MARCKS: variants seen among roughly 807,000 people sequenced by gnomAD.
The protein encoded by MARCKS is myristoylated alanine-rich C-kinase substrate.
In MARCKS, 4 loss-of-function variants were observed where a neutral mutation model predicts 6.3. That is an observed-to-expected ratio of 0.63 (90% confidence interval 0.31 to 1.45). The LOEUF is 1.45. Ranked by LOEUF, MARCKS falls within the 40% of genes most tolerant of loss-of-function variation. The pLI is 0.07. For missense variants in MARCKS, 636 were observed against 485.7 expected (o/e 1.31, Z -2.91); for synonymous variants, 289 against 236.5 (o/e 1.22, Z -2.04).
rs940449626 is a variant in MARCKS at position 113,860,552 on chromosome 6, A to G, written c.972A>G (p.Glu324=). Residue 324 remains glutamate, a synonymous_variant, in exon 2 of 2, where the codon GAA becomes GAG. Coordinates refer to ENST00000612661, the MANE Select transcript of MARCKS (RefSeq NM_002356.7). The stretch of plus-strand genomic sequence containing the variant: ...AGGCCCAGCCCGAGTGCAGTCCAGA[A>G]GCCCCCCCAGCGGAGGCGGCAGAGT... ...SQEAQPECSP[E]APPAEAAE 9 of 1,559,022 alleles carry G rather than the reference A, an allele frequency of 5.8e-6. No individual in the cohort carries two copies. In the African/African-American group the frequency reaches 1.1e-4, roughly 20 times the overall value.
intron 1 of MARCKS, among the ~76,000 whole-genome samples, chr6:113,858,358 G>C (rs1225392060): frequency 6.6e-6 from 1 of 152,122 alleles, no homozygotes; most frequent in Non-Finnish European, 1.5e-5. Flanking sequence ...CCGCGGCGGC[G>C]TGCCCTGGGT....
rs551873272 is a variant in MARCKS at position 113,863,112 on chromosome 6, T to G, written c.*2533T>G. The G allele has an allele frequency of 1.3e-4, 20 of 152,342 alleles. No homozygotes were observed. Among genetic ancestry groups the G allele is most frequent in the Admixed American group, 1.2e-3 (19 of 15,314 alleles). The allele number at this position is 152,342 out of a possible 1,614,324, so 9.4% of individuals were successfully genotyped here. The stretch of plus-strand genomic sequence containing the variant: ...TGTTCTTTTAACAGCTGGAATTTAT[T>G]AAGATGCATTATTTTGATTTTATTC... On this transcript the variant is annotated 3_prime_UTR_variant, in exon 2 of 2. Transcript: ENST00000612661.
At position 113,862,698 on chromosome 6, in the gene MARCKS, T is replaced by C. The variant is rs1038936562; in HGVS notation, c.*2119T>C. ...ATCATTGAACCACATGTGTAACAAC[T>C]GAATGCCAAATCTTAAACTCATTAG... On this transcript the variant is annotated 3_prime_UTR_variant, in exon 2 of 2. Coordinates refer to ENST00000612661, the MANE Select transcript of MARCKS (RefSeq NM_002356.7). The C allele has an allele frequency of 6.6e-6, 1 of 151,558 alleles. No homozygotes were observed. Among genetic ancestry groups the C allele is most frequent in the African/African-American group, 2.4e-5 (1 of 41,440 alleles). The allele number at this position is 151,558 out of a possible 1,614,324, so 9.4% of individuals were successfully genotyped here. A position where few individuals can be genotyped will look rare whatever the true frequency, so the allele number is the denominator to read the frequency against.
At chr6:113,858,028 G>A (rs1317707037) in intron 1 of MARCKS, among the ~76,000 whole-genome samples, 181 bp downstream of exon 1, 2 of 152,146 alleles carry the variant, frequency 1.3e-5, no homozygotes, top group African/African-American at 4.8e-5. Context: ...CCAAAGGAGT[G>A]GTTCCTTAGA....
Position 113,860,726 on chromosome 6 carries a change from C to T in MARCKS, c.*147C>T. On this transcript the variant is annotated 3_prime_UTR_variant, in exon 2 of 2. Transcript: ENST00000612661. ...TTTTTATTTTACTTTTTTTTAAGCA[C>T]CAAATTTTGTTGTTTTTTTTTTTTC... The T allele has an allele frequency of 2.0e-6, 1 of 509,616 alleles. No homozygotes were observed. The allele number at this position is 509,616 out of a possible 1,614,324, so 31.6% of individuals were successfully genotyped here. A position where few individuals can be genotyped will look rare whatever the true frequency, so the allele number is the denominator to read the frequency against.
chr6:113,861,336 C>A lies in MARCKS; in HGVS notation c.*757C>A, dbSNP rs747750640. On this transcript the variant is annotated 3_prime_UTR_variant, in exon 2 of 2. Coordinates refer to ENST00000612661, the MANE Select transcript of MARCKS (RefSeq NM_002356.7). ...TTATTGTTTATTGCTGGTTTATGAC[C>A]TTAATAAAGTGTAATTATGTATTAC... 2.0e-5 allele frequency: 3 copies of A among 152,494 alleles called. No homozygotes were observed. Among genetic ancestry groups the A allele is most frequent in the Non-Finnish European group, 4.4e-5 (3 of 68,000 alleles). 9.4% of individuals were successfully genotyped at this position (152,494 alleles called of 1,614,324 possible). A position where few individuals can be genotyped will look rare whatever the true frequency, so the allele number is the denominator to read the frequency against.
At chr6:113,859,178 G>T (rs1196201139) in intron 1 of MARCKS, among the ~76,000 whole-genome samples, 3 of 152,200 alleles carry the variant, frequency 2.0e-5, no homozygotes, top group African/African-American at 7.2e-5. Context: ...CTCCTGGCTC[G>T]AGTGCTGTGA....
chr6:113,860,619 C>A lies in MARCKS; in HGVS notation c.*40C>A. ...GTGAGATAATCGAAGAACTTTTCTC[C>A]CCCGTTTGTTTGTTGGAGTGGTGCC... is the stretch of plus-strand genomic sequence containing the variant. On this transcript the variant is annotated 3_prime_UTR_variant, in exon 2 of 2. Transcript: ENST00000612661. 1 of 1,459,002 alleles carries A rather than the reference C, an allele frequency of 6.9e-7. No individual in the cohort carries two copies. Among genetic ancestry groups the A allele is most frequent in the Non-Finnish European group, 9.1e-7 (1 of 1,099,730 alleles). 90.4% of individuals were successfully genotyped at this position (1,459,002 alleles called of 1,614,324 possible).
chr6:113,858,195 T>C (rs1774816946), intron 1 of MARCKS, among the ~76,000 whole-genome samples: 1 of 151,492 alleles, frequency 6.6e-6, no homozygotes, highest in African/African-American at 2.4e-5. Context: ...GGTGTTTGGG[T>C]GTCTCTCGGG....
chr6:113,858,113 C>A (rs1043896239), intron 1 of MARCKS, among the ~76,000 whole-genome samples: 4 of 152,132 alleles, frequency 2.6e-5, no homozygotes, highest in African/African-American at 9.7e-5. Context: ...TGGAGATTGG[C>A]AGAACGTGAC....
Position 113,857,688 on chromosome 6 carries a change from C to A in MARCKS, c.-58C>A. The stretch of plus-strand genomic sequence containing the variant: ...CTGCTCGCCCCGTCGTTACACCAAC[C>A]CGAGGCTCTTTGTTTCCCCTCTTGG... On this transcript the variant is annotated 5_prime_UTR_variant, in exon 1 of 2. Coordinates refer to ENST00000612661, the MANE Select transcript of MARCKS (RefSeq NM_002356.7). The A allele has an allele frequency of 7.1e-7, 1 of 1,399,944 alleles. No homozygotes were observed. The highest frequency in any genetic ancestry group is 9.8e-7 in the Non-Finnish European group (1 of 1,018,728). 86.7% of individuals were successfully genotyped at this position (1,399,944 alleles called of 1,614,324 possible). A position where few individuals can be genotyped will look rare whatever the true frequency, so the allele number is the denominator to read the frequency against.
In MARCKS at chr6:113,860,809, G is replaced by C. The variant is rs1774889836; in HGVS notation, c.*230G>C. The C allele has an allele frequency of 3.2e-6, 1 of 311,236 alleles. No individual in the cohort carries two copies. The highest frequency in any genetic ancestry group is 5.9e-6 in the Non-Finnish European group (1 of 169,250). 19.3% of individuals were successfully genotyped at this position (311,236 alleles called of 1,614,324 possible). ...CTGTTAACCACCATTCCAACAGGTC[G>C]AGGAGAGCTTAAACACCTTCTTCCT... On this transcript the variant is annotated 3_prime_UTR_variant, in exon 2 of 2. Transcript: ENST00000612661.
intron 1 of MARCKS, among the ~76,000 whole-genome samples, chr6:113,859,087 C>A (rs1171249867): frequency 1.3e-5 from 2 of 152,168 alleles, no homozygotes; most frequent in Non-Finnish European, 1.5e-5. Context: ...GCGCCCAACG[C>A]GGCGCGGTGG....
rs1441114119 is a variant in MARCKS at position 113,862,316 on chromosome 6, CATA to C, written c.*1741_*1743del. ...TGCTTGGCTAATTTCCAAATTATTG[CATA>C]ATATGTTCTACCTTAAGAAAACAGG... On this transcript the variant is annotated 3_prime_UTR_variant, in exon 2 of 2. Transcript: ENST00000612661. 2 of 151,698 alleles carry C rather than the reference CATA, an allele frequency of 1.3e-5. No individual in the cohort carries two copies. Among genetic ancestry groups the C allele is most frequent in the Non-Finnish European group, 2.9e-5 (2 of 67,906 alleles). 9.4% of individuals were successfully genotyped at this position (151,698 alleles called of 1,614,324 possible).
At position 113,859,827 on chromosome 6, in the gene MARCKS, T is replaced by A; in HGVS notation, c.247T>A (p.Ser83Thr). 1 of 1,290,064 alleles carries A rather than the reference T, an allele frequency of 7.8e-7. No homozygotes were observed. Among genetic ancestry groups the A allele is most frequent in the Non-Finnish European group, 9.8e-7 (1 of 1,021,300 alleles). The allele number at this position is 1,290,064 out of a possible 1,614,324, so 79.9% of individuals were successfully genotyped here. Residue 83 changes from serine to threonine, a missense_variant, in exon 2 of 2, where the codon TCC (serine) becomes ACC (threonine). Transcript: ENST00000612661. ...CGCCGGGAGCGGGGCGGCGTCGCCC[T>A]CCGCGGCCGAGAAAGGTGAGCCGGC... Reference protein sequence around the residue: ...AAAGSGAASPSAAEKGEPAAA... With the variant: ...AAAGSGAASPTAAEKGEPAAA...
chr6:113,863,412 T>A lies in MARCKS; in HGVS notation c.*2833T>A, dbSNP rs1459153047. The A allele has an allele frequency of 6.6e-6, 1 of 152,180 alleles. No individual in the cohort carries two copies. The highest frequency in any genetic ancestry group is 1.5e-5 in the Non-Finnish European group (1 of 68,004). 9.4% of individuals were successfully genotyped at this position (152,180 alleles called of 1,614,324 possible). ...GTTACAAAATACTTCCTCTGGGTTA[T>A]AATAATCATTTGATCCAATTCCTAT... On this transcript the variant is annotated 3_prime_UTR_variant, in exon 2 of 2. Transcript: ENST00000612661.
In MARCKS at chr6:113,862,065, A is replaced by G. The variant is rs1314544235; in HGVS notation, c.*1486A>G. 1 of 152,178 alleles carries G rather than the reference A, an allele frequency of 6.6e-6. No homozygotes were observed. Among genetic ancestry groups the G allele is most frequent in the Non-Finnish European group, 1.5e-5 (1 of 67,978 alleles). The allele number at this position is 152,178 out of a possible 1,614,324, so 9.4% of individuals were successfully genotyped here. Reference sequence around the variant, plus strand: ...ACATAATTATTTTTATTGTAGCTATATAGCATGTCAGATTAAATCATTTAC... The same window carrying G: ...ACATAATTATTTTTATTGTAGCTATGTAGCATGTCAGATTAAATCATTTAC... On this transcript the variant is annotated 3_prime_UTR_variant, in exon 2 of 2. Transcript: ENST00000612661.
At position 113,860,057 on chromosome 6, in the gene MARCKS, C is replaced by T. The variant is rs1774865047; in HGVS notation, c.477C>T (p.Ser159=). The change falls in exon 2 of 2, where the codon TCC becomes TCT. Residue 159 remains serine (S), a synonymous_variant. Transcript: ENST00000612661. ...ETPKKKKKRF[S]FKKSFKLSGF... is the part of the protein sequence containing the mutation. ...CGAAAAAAAAAAAGAAGCGCTTTTC[C>T]TTCAAGAAGTCTTTCAAGCTGAGCG... is the stretch of plus-strand genomic sequence containing the variant. The T allele has an allele frequency of 3.2e-6, 5 of 1,577,550 alleles. No individual in the cohort carries two copies. Among genetic ancestry groups the T allele is most frequent in the Middle Eastern group, 3.4e-4 (2 of 5,926 alleles).
chr6:113,860,302 A>G lies in MARCKS; in HGVS notation c.722A>G (p.Glu241Gly). Reference protein sequence around the residue: ...GGDPQEAKPQEAAVAPEKPPA... With the variant: ...GGDPQEAKPQGAAVAPEKPPA... ...GACCCGCAGGAGGCCAAGCCCCAGG[A>G]GGCCGCTGTCGCGCCAGAGAAGCCG... Residue 241 changes from glutamate to glycine, a missense_variant, in exon 2 of 2, where the codon GAG (glutamate) becomes GGG (glycine). Transcript: ENST00000612661. The G allele has an allele frequency of 7.8e-7, 1 of 1,279,380 alleles. No homozygotes were observed. The highest frequency in any genetic ancestry group is 1.0e-6 in the Non-Finnish European group (1 of 987,266). The allele number at this position is 1,279,380 out of a possible 1,614,324, so 79.3% of individuals were successfully genotyped here.
Sources: gnomAD v4.1 joint callset for allele counts (sites outside exome capture counted in the v4.1 genomes callset) on GRCh38, gnomAD v4.1.1 for gene constraint, MANE v1.5 for transcripts, NCBI Gene and HGNC (gene_info 2026-07-23, HGNC 2026-07-21) for gene names.